The following TENM4 variants were observed in gnomAD, a reference collection of about 807,000 sequenced individuals.
TENM4 encodes teneurin-4.
TENM4 carries 82 observed loss-of-function variants against 243.3 expected under a neutral mutation model. The ratio of observed to expected loss-of-function variants is 0.34; its 90% CI spans 0.28 to 0.40. TENM4 has a LOEUF of 0.40. TENM4 is among the 10% of genes least tolerant of loss of function. The probability of loss-of-function intolerance (pLI) is 1.00; values close to 1 mark genes in which losing one functional copy is unlikely to be tolerated. For missense variants in TENM4, 3,138 were observed against 3,673.3 expected (o/e 0.85, Z 3.77); for synonymous variants, 1,412 against 1,456.3 (o/e 0.97, Z 0.69).
In TENM4 at chr11:79,002,611, C is replaced by A. The variant is rs576336445; in HGVS notation, c.493+62127G>T. Among the ~76,000 whole-genome samples, 123 of 152,212 alleles carry A rather than the reference C, an allele frequency of 8.1e-4. 1 individual carries two copies. Among genetic ancestry groups the A allele is most frequent in the African/African-American group, 2.9e-3 (119 of 41,536 alleles). On this transcript the variant is annotated intron_variant, in intron 6 of 33. Coordinates refer to ENST00000278550, the MANE Select transcript of TENM4 (RefSeq NM_001098816.3). Reference sequence around the variant, plus strand: ...ATCCACCTTATACCAAAATCAAACCCCCAAGCGCATCAAACAAGATAAAAT... The same window carrying A: ...ATCCACCTTATACCAAAATCAAACCACCAAGCGCATCAAACAAGATAAAAT...
At chr11:79,110,650 C>T (rs1288354069) in intron 4 of TENM4, among the ~76,000 whole-genome samples, 2 of 152,142 alleles carry the variant, frequency 1.3e-5, no homozygotes, top group Non-Finnish European at 2.9e-5. Flanking sequence ...CAGCCAGGTC[C>T]ATAGAAACGT....
intron 4 of TENM4, among the ~76,000 whole-genome samples, chr11:79,121,848 T>C (rs935862947): frequency 1.3e-5 from 2 of 152,240 alleles, no homozygotes; most frequent in Admixed American, 1.3e-4. Flanking sequence ...GTTTCCTCAC[T>C]ATTCTAGGAC....
chr11:79,238,594 C>T (rs1208490536), intron 2 of TENM4, among the ~76,000 whole-genome samples: 1 of 152,134 alleles, frequency 6.6e-6, no homozygotes, highest in Non-Finnish European at 1.5e-5. Context: ...CTTTCCTGGG[C>T]CTCCTGGAAG....
At chr11:79,237,192 A>ACG (rs1555033556) in intron 2 of TENM4, among the ~76,000 whole-genome samples, 1 of 151,964 alleles carries the variant, frequency 6.6e-6, no homozygotes, top group Admixed American at 6.5e-5. Flanking sequence ...AGATTTTTTT[A>ACG]TGTCTTTATC....
intron 6 of TENM4, among the ~76,000 whole-genome samples, chr11:79,016,472 A>G (rs10899579): frequency 0.32 from 48,861 of 152,068 alleles, 9,070 homozygotes; most frequent in Non-Finnish European, 0.42. Context: ...ATTTGGGGTC[A>G]TGATTATGAG....
At chr11:78,896,125 C>G (rs1357723773) in intron 7 of TENM4, among the ~76,000 whole-genome samples, 1 of 152,190 alleles carries the variant, frequency 6.6e-6, no homozygotes, top group African/African-American at 2.4e-5. Flanking sequence ...TCAGGACCGC[C>G]CTGATCAACG....
chr11:79,121,890 C>T (rs868324194), intron 4 of TENM4, among the ~76,000 whole-genome samples: 3 of 152,186 alleles, frequency 2.0e-5, no homozygotes, highest in Admixed American at 6.5e-5. Context: ...GAGGATAATA[C>T]CTTTCTTGTT....
intron 6 of TENM4, among the ~76,000 whole-genome samples, chr11:78,912,994 C>T (rs1260364449): frequency 1.3e-5 from 2 of 152,172 alleles, no homozygotes; most frequent in African/African-American, 4.8e-5. Flanking sequence ...AGCCCGTTTC[C>T]CCAATTGACA....
chr11:78,670,494 C>A lies in TENM4; in HGVS notation c.5851G>T (p.Asp1951Tyr). 6.2e-7 allele frequency: 1 copy of A among 1,613,610 alleles called. No individual in the cohort carries two copies. Among genetic ancestry groups the A allele is most frequent in the South Asian group, 1.1e-5 (1 of 90,992 alleles). Reference sequence around the variant, plus strand: ...GGCATCGTCACAGAAGAGAGGCGGTCATTCTTGTCGAACTCAAAGATATAC... The same window carrying A: ...GGCATCGTCACAGAAGAGAGGCGGTAATTCTTGTCGAACTCAAAGATATAC... ...RQYIFEFDKN[D>Y]RLSSVTMPNV... is the part of the protein sequence containing the mutation. The change falls in exon 32 of 34, where the codon GAC becomes TAC. Residue 1951 changes from aspartate to tyrosine, a missense_variant. By Grantham distance (160) the Asp-to-Tyr change is radical. This residue lies in a region of TENM4 where 2,467 missense variants were observed against 3,059.1 expected (regional missense o/e 0.81). Coordinates refer to ENST00000278550, the MANE Select transcript of TENM4 (RefSeq NM_001098816.3).
At chr11:79,357,460 A>G (rs1400733326) in intron 1 of TENM4, among the ~76,000 whole-genome samples, 4 of 152,134 alleles carry the variant, frequency 2.6e-5, no homozygotes, top group African/African-American at 9.7e-5. Context: ...ACCATTCTGA[A>G]TTCACCTGGG....
chr11:79,173,934 A>C (rs1350861117), intron 3 of TENM4, among the ~76,000 whole-genome samples: 1 of 152,224 alleles, frequency 6.6e-6, no homozygotes, highest in Non-Finnish European at 1.5e-5. Flanking sequence ...TATAAGGGAA[A>C]AGGTGGCTAG....
intron 1 of TENM4, among the ~76,000 whole-genome samples, chr11:79,312,045 C>G (rs1856730915): frequency 6.6e-6 from 1 of 152,194 alleles, no homozygotes; most frequent in Admixed American, 6.5e-5. Context: ...ACCCTGCTAT[C>G]TTCATGTGAG....
rs1565118568 is a variant in TENM4 at position 78,903,468 on chromosome 11, G to GAGCGGC, written c.543_548dup (p.Pro182_Leu183dup). The GAGCGGC allele has an allele frequency of 1.3e-6, 2 of 1,548,728 alleles. No individual in the cohort carries two copies. Among genetic ancestry groups the GAGCGGC allele is most frequent in the Non-Finnish European group, 1.7e-6 (2 of 1,145,914 alleles). Reference sequence around the variant, plus strand: ...GCTGGTTGGGGGTGTGGGCGTGCGAGAGCGGCGGCGGCGGCGTCCGGAGCC... The same window carrying GAGCGGC: ...GCTGGTTGGGGGTGTGGGCGTGCGAGAGCGGCAGCGGCGGCGGCGGCGTCCGGAGCC... On this transcript the variant is annotated inframe_insertion, in exon 7 of 34. Transcript: ENST00000278550.
In TENM4 at chr11:79,337,629, A is replaced by T. The variant is rs1857169080; in HGVS notation, c.-320-40086T>A. ...GGTAAAGCTCTGTGGACCATAACCT[A>T]TGAAAAAGCAAAGGAAATGGGGAAA... On this transcript the variant is annotated intron_variant, in intron 1 of 33. Transcript: ENST00000278550. Among the ~76,000 whole-genome samples, 4 of 152,308 alleles carry T rather than the reference A, an allele frequency of 2.6e-5. No individual in the cohort carries two copies. The South Asian group carries it at 8.3e-4, about 32-fold the overall frequency.
intron 12 of TENM4, among the ~76,000 whole-genome samples, chr11:78,816,396 G>A (rs748719342): frequency 5.3e-5 from 8 of 152,224 alleles, no homozygotes; most frequent in Non-Finnish European, 7.3e-5. Context: ...CCTATCTTGG[G>A]ATAGTTTGGG....
In TENM4 at chr11:78,787,103, A is replaced by T. The variant is rs1856956018; in HGVS notation, c.2180-20T>A. On this transcript the variant is annotated intron_variant, in intron 15 of 33. Coordinates refer to ENST00000278550, the MANE Select transcript of TENM4 (RefSeq NM_001098816.3). The stretch of plus-strand genomic sequence containing the variant: ...AGATCTCTGTGGGGAGGAGCAGAAG[A>T]AGGGAGGACACCAGGGCCAGGATGG... The T allele has an allele frequency of 6.5e-7, 1 of 1,528,874 alleles. No homozygotes were observed. The highest frequency in any genetic ancestry group is 8.8e-7 in the Non-Finnish European group (1 of 1,132,554). The allele number at this position is 1,528,874 out of a possible 1,614,324, so 94.7% of individuals were successfully genotyped here.
chr11:79,174,894 C>A (rs182699696), intron 3 of TENM4, among the ~76,000 whole-genome samples: 1 of 152,188 alleles, frequency 6.6e-6, no homozygotes, highest in Non-Finnish European at 1.5e-5. Context: ...GTCCTTAATC[C>A]TGCTCATACT....
chr11:78,866,904 C>T (rs1858993473), intron 9 of TENM4, among the ~76,000 whole-genome samples: 1 of 152,100 alleles, frequency 6.6e-6, no homozygotes, highest in Admixed American at 6.5e-5. Flanking sequence ...TAGGATGAAG[C>T]AGAGATTCAG....
At position 79,164,536 on chromosome 11, in the gene TENM4, G is replaced by GTACTATATATATCTATA. The variant is rs1591326594; in HGVS notation, c.-162-15747_-162-15731dup. Among the ~76,000 whole-genome samples the GTACTATATATATCTATA allele has an allele frequency of 3.6e-5, 5 of 138,868 alleles. No individual in the cohort carries two copies. The South Asian group carries it at 1.1e-3, about 30-fold the overall frequency. The allele number at this position is 138,868 out of a possible 152,430, so 91.1% of individuals were successfully genotyped here. A position where few individuals can be genotyped will look rare whatever the true frequency, so the allele number is the denominator to read the frequency against. On this transcript the variant is annotated intron_variant, in intron 3 of 33. Transcript: ENST00000278550. ...ATACATACTATATATATACTATATA[G>GTACTATATATATCTATA]TACTATATATATCTATATACTATAT... is the stretch of plus-strand genomic sequence containing the variant.
Sources: gnomAD v4.1 joint callset for allele counts (sites outside exome capture counted in the v4.1 genomes callset) on GRCh38, gnomAD v4.1.1 for gene constraint, gnomAD v4.1.1 regional missense constraint, MANE v1.5 for transcripts, NCBI Gene and HGNC (gene_info 2026-07-23, HGNC 2026-07-21) for gene names.